DNAJC1: variants seen among roughly 807,000 people sequenced by gnomAD.
The protein encoded by DNAJC1 is DnaJ heat shock protein family (Hsp40) member C1.
Under a neutral mutation model 76.6 loss-of-function variants are expected in DNAJC1, and 58 were observed. That is an observed-to-expected ratio of 0.76 (90% CI 0.61 to 0.94). The LOEUF (loss-of-function observed/expected upper bound fraction) is 0.94. DNAJC1 is among the 40% of genes least tolerant of loss of function. DNAJC1 has a pLI of 0.00. For synonymous variants in DNAJC1, 258 were observed against 267.9 expected, an observed-to-expected ratio of 0.96 and a Z score of 0.36; for missense variants, 689 against 677.3, an observed-to-expected ratio of 1.02 and a Z score of -0.19.
At chr10:21,809,112 G>A (rs974217212) in intron 8 of DNAJC1, among the ~76,000 whole-genome samples, 1 of 152,054 alleles carries the variant, frequency 6.6e-6, no homozygotes, top group Admixed American at 6.6e-5. Flanking sequence ...TGGTGTCTCT[G>A]AAAATCCTCT....
intron 9 of DNAJC1, among the ~76,000 whole-genome samples, chr10:21,772,522 A>G (rs898587430): frequency 1.3e-5 from 2 of 152,022 alleles, no homozygotes; most frequent in Non-Finnish European, 2.9e-5. Context: ...TTCTTGACAT[A>G]CATTTATTCA....
At position 21,904,583 on chromosome 10, in the gene DNAJC1, T is replaced by G. The variant is rs781432147; in HGVS notation, c.759A>C (p.Lys253Asn). ...QDAGQFYAKY[K>N]ETRLKEKEDA... ...CTTCCTTTTCCTTCAATCTTGTTTC[T>G]TTATATTTAGCATAAAACTGCCCAG... The change falls in exon 7 of 12, where the codon AAA becomes AAC. Residue 253 changes from lysine (K) to asparagine (N), a missense_variant. Physicochemically the swap from Lys to Asn is moderately conservative, Grantham distance 94. Transcript: ENST00000376980. 2 of 1,607,274 alleles carry G rather than the reference T, an allele frequency of 1.2e-6. No homozygotes were observed. The highest frequency in any genetic ancestry group is 4.5e-5 in the East Asian group (2 of 44,552).
intron 9 of DNAJC1, among the ~76,000 whole-genome samples, chr10:21,801,179 A>C (rs1834809648): frequency 6.6e-6 from 1 of 152,236 alleles, no homozygotes; most frequent in Non-Finnish European, 1.5e-5. Flanking sequence ...AAAATGAATA[A>C]TGGAATAATC....
At chr10:21,924,715 G>A (rs985175702) in intron 3 of DNAJC1, among the ~76,000 whole-genome samples, 2 of 152,064 alleles carry the variant, frequency 1.3e-5, no homozygotes, top group African/African-American at 4.8e-5. Context: ...ACAGTCACTG[G>A]GTCTGAAAAA....
chr10:21,973,213 A>G (rs1838007757), intron 1 of DNAJC1, among the ~76,000 whole-genome samples: 1 of 152,182 alleles, frequency 6.6e-6, no homozygotes, highest in African/African-American at 2.4e-5. Flanking sequence ...CAATATTTGA[A>G]CTGTCATAAT....
intron 9 of DNAJC1, among the ~76,000 whole-genome samples, chr10:21,769,531 A>C (rs1196062220): frequency 6.6e-6 from 1 of 152,196 alleles, no homozygotes; most frequent in African/African-American, 2.4e-5. Context: ...ACCACCTTTT[A>C]AATCCAAATC....
chr10:21,931,221 T>C (rs1837217198), intron 1 of DNAJC1, among the ~76,000 whole-genome samples: 1 of 152,160 alleles, frequency 6.6e-6, no homozygotes. Context: ...CCCCAGATTA[T>C]TACACCTTAG....
chr10:21,966,938 C>T (rs1048656428), intron 1 of DNAJC1, among the ~76,000 whole-genome samples: 3 of 151,802 alleles, frequency 2.0e-5, no homozygotes, highest in South Asian at 2.1e-4. Context: ...CCACCTGCCT[C>T]GGCCTCCCAA....
chr10:21,979,830 C>T (rs1838124212), intron 1 of DNAJC1, among the ~76,000 whole-genome samples: 1 of 151,734 alleles, frequency 6.6e-6, no homozygotes, highest in Non-Finnish European at 1.5e-5. Flanking sequence ...TTGTTCCAGG[C>T]CTTTGACACC....
chr10:21,950,013 A>G (rs1837564924), intron 1 of DNAJC1, among the ~76,000 whole-genome samples: 1 of 151,710 alleles, frequency 6.6e-6, no homozygotes, highest in South Asian at 2.1e-4. Flanking sequence ...TAGTCTACAA[A>G]TGCAAAAATA....
At chr10:21,969,324 C>T (rs548206489) in intron 1 of DNAJC1, among the ~76,000 whole-genome samples, 3 of 151,228 alleles carry the variant, frequency 2.0e-5, no homozygotes, top group African/African-American at 7.3e-5. Context: ...AGGATGAGGG[C>T]GGGGGATATC....
chr10:21,828,059 C>G (rs1835291419), intron 8 of DNAJC1, among the ~76,000 whole-genome samples: 1 of 152,214 alleles, frequency 6.6e-6, no homozygotes, highest in South Asian at 2.1e-4. Context: ...CCATCAGCGT[C>G]AATGAGAGAA....
intron 3 of DNAJC1, among the ~76,000 whole-genome samples, chr10:21,926,917 G>T (rs1817397724): frequency 6.6e-6 from 1 of 152,094 alleles, no homozygotes; most frequent in Admixed American, 6.6e-5. Context: ...GTTTTGAAAA[G>T]ATAGAAATAA....
intron 8 of DNAJC1, among the ~76,000 whole-genome samples, chr10:21,837,639 C>CGCCCTGTCT: frequency 1.3e-5 from 2 of 151,578 alleles, no homozygotes; most frequent in Non-Finnish European, 1.5e-5. Flanking sequence ...GCCCGGCAGC[C>CGCCCTGTCT]ACCCTGTCTA....
At chr10:21,944,859 G>A (rs1837478204) in intron 1 of DNAJC1, among the ~76,000 whole-genome samples, 1 of 152,154 alleles carries the variant, frequency 6.6e-6, no homozygotes, top group Non-Finnish European at 1.5e-5. Context: ...GACAACTTGT[G>A]AGTAACAGAC....
chr10:21,841,991 G>C (rs896851158), intron 8 of DNAJC1, among the ~76,000 whole-genome samples: 1 of 150,870 alleles, frequency 6.6e-6, no homozygotes, highest in African/African-American at 2.4e-5. Flanking sequence ...GCAAAGTATT[G>C]CAAGGACAAA....
intron 7 of DNAJC1, among the ~76,000 whole-genome samples, chr10:21,902,536 C>T (rs1836675238): frequency 6.6e-6 from 1 of 152,110 alleles, no homozygotes; most frequent in African/African-American, 2.4e-5. Flanking sequence ...AACTCCTGAC[C>T]TCTGGTGATC....
At chr10:21,786,463 T>TATAG (rs1332368009) in intron 9 of DNAJC1, among the ~76,000 whole-genome samples, 5 of 23,404 alleles carry the variant, frequency 2.1e-4, no homozygotes, top group Non-Finnish European at 3.0e-4. Flanking sequence ...TATATATATA[T>TATAG]AGAGAGAGAG....
chr10:21,940,727 C>A (rs980011699), intron 1 of DNAJC1, among the ~76,000 whole-genome samples: 1 of 152,060 alleles, frequency 6.6e-6, no homozygotes, highest in Non-Finnish European at 1.5e-5. Context: ...CAAAAGACTG[C>A]AGCTTCAAGA....
Sources: allele counts gnomAD v4.1 joint callset (sites outside exome capture counted in the v4.1 genomes callset), GRCh38; gene constraint gnomAD v4.1.1; transcripts MANE v1.5; gene names NCBI Gene and HGNC (gene_info 2026-07-23, HGNC 2026-07-21).